ADORA1: variants seen among roughly 807,000 people sequenced by gnomAD.
The protein encoded by ADORA1 is adenosine A1 receptor.
A neutral mutation model predicts 19.9 loss-of-function variants in ADORA1; 6 were observed. That is an observed-to-expected ratio of 0.30 (90% CI 0.17 to 0.59). The LOEUF (loss-of-function observed/expected upper bound fraction) is 0.59. ADORA1 is among the 20% of genes least tolerant of loss of function. ADORA1 has a pLI of 0.87. For missense variants in ADORA1, 302 were observed against 439.2 expected, an observed-to-expected ratio of 0.69 and a Z score of 2.79; for synonymous variants, 194 against 188.4, an observed-to-expected ratio of 1.03 and a Z score of -0.24.
intron 3 of ADORA1, among the ~76,000 whole-genome samples, chr1:203,157,551 C>T (rs1558136814): frequency 6.6e-6 from 1 of 152,232 alleles, no homozygotes; most frequent in Non-Finnish European, 1.5e-5. Flanking sequence ...GCAGTGGCCT[C>T]ACTCCCATGG....
chr1:203,155,500 C>T (rs1311221042), intron 3 of ADORA1, among the ~76,000 whole-genome samples: 2 of 152,200 alleles, frequency 1.3e-5, no homozygotes, highest in Non-Finnish European at 2.9e-5. Context: ...GTGATCTCAT[C>T]CCTGAAAAGG....
chr1:203,128,811 C>T lies in ADORA1; in HGVS notation c.-31C>T, dbSNP rs201436867. 1.2e-5 allele frequency: 18 copies of T among 1,560,192 alleles called. No individual in the cohort carries two copies. The highest frequency in any genetic ancestry group is 9.0e-5 in the East Asian group (4 of 44,470). Reference sequence around the variant, plus strand: ...TGCTTGCCTCGTGCCCCTTGGTGCCCGTCTGCTGATGTGCCCAGCCTGTGC... The same window carrying T: ...TGCTTGCCTCGTGCCCCTTGGTGCCTGTCTGCTGATGTGCCCAGCCTGTGC... On this transcript the variant is annotated 5_prime_UTR_variant, in exon 3 of 4. Coordinates refer to ENST00000337894, the MANE Select transcript of ADORA1 (RefSeq NM_000674.3). This position sits in a 1 kb window ranked among gnomAD's most constrained non-coding sequence, Gnocchi z 5.9.
intron 3 of ADORA1, among the ~76,000 whole-genome samples, chr1:203,146,005 G>A (rs530726236): frequency 1.6e-4 from 24 of 152,168 alleles, no homozygotes; most frequent in Non-Finnish European, 3.2e-4. Context: ...TGGTGCCCGG[G>A]GCATCTGCCT....
At chr1:203,150,521 G>T (rs1654997201) in intron 3 of ADORA1, 2 of 1,066,454 alleles carry the variant, frequency 1.9e-6, no homozygotes, top group South Asian at 3.1e-5. Flanking sequence ...ATGGAAAACT[G>T]CTGGGTCCTG....
rs184440227 is a variant in ADORA1, at chr1:203,152,009, C to T, written c.342-13252C>T. ...GGAGTTCCGTGTTCAGTGCCCCTCCCTCCTTTCTGCTAGCGCTGAGCTCAG... is the reference window on the plus strand; with the variant it reads ...GGAGTTCCGTGTTCAGTGCCCCTCCTTCCTTTCTGCTAGCGCTGAGCTCAG... On this transcript the variant is annotated intron_variant, in intron 3 of 3. Transcript: ENST00000337894. Among the ~76,000 whole-genome samples the T allele has an allele frequency of 4.6e-5, 7 of 152,312 alleles. No individual in the cohort carries two copies. In the East Asian group the frequency reaches 1.4e-3, roughly 29 times the overall value.
chr1:203,142,914 A>T (rs1444190029), intron 3 of ADORA1, among the ~76,000 whole-genome samples: 1 of 152,024 alleles, frequency 6.6e-6, no homozygotes, highest in African/African-American at 2.4e-5. Context: ...CCCAGCACAC[A>T]CACCTGCCGC....
chr1:203,155,058 G>A (rs868424735), intron 3 of ADORA1, among the ~76,000 whole-genome samples: 4 of 116,338 alleles, frequency 3.4e-5, no homozygotes, highest in African/African-American at 9.9e-5. Context: ...TATTATTATT[G>A]TTATTTTGAG....
chr1:203,128,505 G>C lies in ADORA1; in HGVS notation c.-58+73G>C. 1 of 1,144,600 alleles carries C rather than the reference G, an allele frequency of 8.7e-7. No homozygotes were observed. The highest frequency in any genetic ancestry group is 1.2e-6 in the Non-Finnish European group (1 of 863,708). The allele number at this position is 1,144,600 out of a possible 1,614,324, so 70.9% of individuals were successfully genotyped here. A position where few individuals can be genotyped will look rare whatever the true frequency, so the allele number is the denominator to read the frequency against. ...TCATGGGAGACCCCTCTGTGCGTGT[G>C]TCTGTGTGTGCGCGCGCGCTGGGAG... is the stretch of plus-strand genomic sequence containing the variant. On this transcript the variant is annotated intron_variant, in intron 2 of 3. Transcript: ENST00000337894. The surrounding 1 kb of genome is among the most constrained non-coding windows in gnomAD (Gnocchi z 5.9).
chr1:203,149,266 C>T (rs3766560), intron 3 of ADORA1, among the ~76,000 whole-genome samples: 34,643 of 152,150 alleles, frequency 0.23, 5,395 homozygotes, highest in African/African-American at 0.44. Context: ...TGATAAGCTT[C>T]TTCCTCCCCC....
chr1:203,156,888 T>C lies in ADORA1; in HGVS notation c.342-8373T>C, dbSNP rs1047956492. Among the ~76,000 whole-genome samples, 15 of 152,316 alleles carry C rather than the reference T, an allele frequency of 9.8e-5. 2 individuals carry two copies. Among genetic ancestry groups the C allele is most frequent in the Admixed American group, 5.2e-4 (8 of 15,304 alleles). ...GACCCCACTTCTGTGGTAACAAAAC[T>C]AATCCTGCAGTATTGGCATTAATCT... On this transcript the variant is annotated intron_variant, in intron 3 of 3. Transcript: ENST00000337894.
At chr1:203,153,653 C>A (rs1212087212) in intron 3 of ADORA1, among the ~76,000 whole-genome samples, 3 of 152,178 alleles carry the variant, frequency 2.0e-5, no homozygotes, top group Non-Finnish European at 4.4e-5. Context: ...GAGCCCCTCA[C>A]AGCGGGATTC....
intron 3 of ADORA1, among the ~76,000 whole-genome samples, chr1:203,137,723 A>G (rs779635374): frequency 6.6e-6 from 1 of 152,222 alleles, no homozygotes; most frequent in African/African-American, 2.4e-5. Context: ...ACTCAGCTCT[A>G]TAAAATTTTG....
At chr1:203,151,528 G>A (rs1485963045) in intron 3 of ADORA1, among the ~76,000 whole-genome samples, 1 of 152,224 alleles carries the variant, frequency 6.6e-6, no homozygotes, top group Non-Finnish European at 1.5e-5. Flanking sequence ...GGTCGATTGT[G>A]TATTCCAGTA....
At position 203,147,535 on chromosome 1, in the gene ADORA1, T is replaced by G. The variant is rs150374475; in HGVS notation, c.342-17726T>G. 7.7e-4 allele frequency among the ~76,000 whole-genome samples: 118 copies of G among 152,324 alleles called. 1 individual carries two copies. Among genetic ancestry groups the G allele is most frequent in the Non-Finnish European group, 1.4e-3 (97 of 68,030 alleles). On this transcript the variant is annotated intron_variant, in intron 3 of 3. Transcript: ENST00000337894. ...TGGGCCGAGTGCCACTGGGCCTTGC[T>G]ACTCAAAGCGTGGTCAGGGACCAGC... is the stretch of plus-strand genomic sequence containing the variant.
At chr1:203,141,022 AG>A (rs1654667243) in intron 3 of ADORA1, among the ~76,000 whole-genome samples, 1 of 152,248 alleles carries the variant, frequency 6.6e-6, no homozygotes, top group African/African-American at 2.4e-5. Context: ...GGCAACAATC[AG>A]GGTCCTCTCA....
chr1:203,151,536 G>A (rs1390561559), intron 3 of ADORA1, among the ~76,000 whole-genome samples: 1 of 152,224 alleles, frequency 6.6e-6, no homozygotes, highest in African/African-American at 2.4e-5. Flanking sequence ...GTGTATTCCA[G>A]TAGAATCAGG....
chr1:203,146,641 A>AG (rs1278506554), intron 3 of ADORA1, among the ~76,000 whole-genome samples: 4 of 151,606 alleles, frequency 2.6e-5, no homozygotes, highest in African/African-American at 7.3e-5. Context: ...AAAAAAAAAA[A>AG]AGAGAAAGAG....
intron 3 of ADORA1, among the ~76,000 whole-genome samples, chr1:203,146,283 A>G (rs1654855866): frequency 6.6e-6 from 1 of 151,978 alleles, no homozygotes; most frequent in African/African-American, 2.4e-5. Flanking sequence ...ACTTCACTTT[A>G]CTTCCCTTCG....
intron 3 of ADORA1, among the ~76,000 whole-genome samples, chr1:203,134,721 G>C (rs1404862172): frequency 1.3e-5 from 2 of 151,836 alleles, no homozygotes; most frequent in African/African-American, 4.8e-5. Context: ...GAATAAAGAT[G>C]GTAAAATCAC....
Sources: gnomAD v4.1 joint callset for allele counts (sites outside exome capture counted in the v4.1 genomes callset) on GRCh38, gnomAD v4.1.1 for gene constraint, Gnocchi (gnomAD v3.1) non-coding constraint, MANE v1.5 for transcripts, NCBI Gene and HGNC (gene_info 2026-07-23, HGNC 2026-07-21) for gene names.